Variants in LAPTM4B observed in about 807,000 individuals in gnomAD.
LAPTM4B encodes the protein lysosomal-associated transmembrane protein 4B.
Under a neutral mutation model 28.5 loss-of-function variants are expected in LAPTM4B, and 26 were observed. That is an observed-to-expected ratio of 0.91 (90% confidence interval 0.67 to 1.27). The LOEUF is 1.27. Among genes scored for constraint, LAPTM4B ranks in the 50% most tolerant of loss-of-function variants. LAPTM4B has a pLI of 0.00. For synonymous variants in LAPTM4B, 109 were observed against 106.4 expected (o/e 1.02, Z -0.15); for missense variants, 288 against 285.8 (o/e 1.01, Z -0.06).
rs79508802 is a variant in LAPTM4B, at chr8:97,815,323, G to A, written c.212-5G>A. 14 of 1,590,710 alleles carry A rather than the reference G, an allele frequency of 8.8e-6. No individual in the cohort carries two copies. Among genetic ancestry groups the A allele is most frequent in the East Asian group, 2.2e-5 (1 of 44,838 alleles). On this transcript the variant is annotated splice_region_variant and splice_polypyrimidine_tract_variant and intron_variant, in intron 2 of 6. Coordinates refer to ENST00000521545, the MANE Select transcript of LAPTM4B (RefSeq NM_018407.6). ...TTAAAGAAATTCTTTTTAATCTTTCGGCAGACATGTGCATTGCCATTGCGA... is the reference window on the plus strand; with the variant it reads ...TTAAAGAAATTCTTTTTAATCTTTCAGCAGACATGTGCATTGCCATTGCGA...
At chr8:97,790,627 G>A (rs1019128322) in intron 1 of LAPTM4B, among the ~76,000 whole-genome samples, 2 of 151,982 alleles carry the variant, frequency 1.3e-5, no homozygotes, top group African/African-American at 4.8e-5. Context: ...TGTATTTTTA[G>A]TGGAAATGGG....
At chr8:97,831,333 T>G (rs1563618738) in intron 6 of LAPTM4B, among the ~76,000 whole-genome samples, 1 of 152,174 alleles carries the variant, frequency 6.6e-6, no homozygotes, top group Non-Finnish European at 1.5e-5. Flanking sequence ...GGTAAAGGTA[T>G]CAACCCAGAC....
intron 5 of LAPTM4B, among the ~76,000 whole-genome samples, chr8:97,824,116 AT>A (rs1476693328): frequency 1.3e-5 from 2 of 152,102 alleles, no homozygotes; most frequent in Admixed American, 1.3e-4. Context: ...GCTATTATGA[AT>A]AATGCTGCTG....
chr8:97,849,788 C>T (rs1323788620), intron 6 of LAPTM4B, among the ~76,000 whole-genome samples: 1 of 151,974 alleles, frequency 6.6e-6, no homozygotes, highest in Non-Finnish European at 1.5e-5. Flanking sequence ...GGAGGAAAGC[C>T]GCCACCCCCC....
intron 5 of LAPTM4B, among the ~76,000 whole-genome samples, chr8:97,824,124 G>T (rs781293760): frequency 3.3e-5 from 5 of 152,068 alleles, no homozygotes; most frequent in Non-Finnish European, 7.3e-5. Context: ...GAATAATGCT[G>T]CTGTGAACAT....
At chr8:97,832,562 A>G (rs1586341772) in intron 6 of LAPTM4B, among the ~76,000 whole-genome samples, 2 of 152,290 alleles carry the variant, frequency 1.3e-5, no homozygotes, top group East Asian at 3.9e-4. Flanking sequence ...TTCCTGGAAA[A>G]GGTAGATTTA....
chr8:97,784,907 T>C (rs1207829961), intron 1 of LAPTM4B, among the ~76,000 whole-genome samples: 1 of 152,180 alleles, frequency 6.6e-6, no homozygotes, highest in Non-Finnish European at 1.5e-5. Context: ...GTGATACAAG[T>C]CTCTCTTTCT....
chr8:97,805,076 C>T (rs1016826851), intron 1 of LAPTM4B, among the ~76,000 whole-genome samples: 2 of 152,206 alleles, frequency 1.3e-5, no homozygotes, highest in East Asian at 1.9e-4. Context: ...GTTCACTGCT[C>T]TATGGTGCCT....
intron 6 of LAPTM4B, among the ~76,000 whole-genome samples, chr8:97,833,000 C>T (rs956382538): frequency 3.3e-5 from 5 of 151,226 alleles, no homozygotes; most frequent in Non-Finnish European, 1.5e-5. Flanking sequence ...GCCACCGCTC[C>T]TGACCTTCTC....
rs533262218 is a variant in LAPTM4B, at chr8:97,792,994, A to G, written c.100-12359A>G. ...TGTTAATAGTGTCACCTCAGAAATC[A>G]TACAAAGGATACAACAGATTTGAAA... On this transcript the variant is annotated intron_variant, in intron 1 of 6. Coordinates refer to ENST00000521545, the MANE Select transcript of LAPTM4B (RefSeq NM_018407.6). Among the ~76,000 whole-genome samples, 3 of 152,252 alleles carry G rather than the reference A, an allele frequency of 2.0e-5. No individual in the cohort carries two copies. The South Asian group carries it at 6.2e-4, about 32-fold the overall frequency.
intron 4 of LAPTM4B, among the ~76,000 whole-genome samples, chr8:97,817,350 C>CTTG (rs906037149): frequency 3.4e-4 from 51 of 151,516 alleles, no homozygotes; most frequent in African/African-American, 1.2e-3. Flanking sequence ...GTTGCCCAGG[C>CTTG]TTGTCTCAAA....
At chr8:97,804,968 TG>T (rs1468627155) in intron 1 of LAPTM4B, among the ~76,000 whole-genome samples, 1 of 152,250 alleles carries the variant, frequency 6.6e-6, no homozygotes, top group Non-Finnish European at 1.5e-5. Context: ...CAACTTGGGT[TG>T]CTTACCTTTA....
intron 6 of LAPTM4B, among the ~76,000 whole-genome samples, chr8:97,834,514 A>G (rs995130392): frequency 1.3e-5 from 2 of 151,792 alleles, no homozygotes; most frequent in African/African-American, 2.4e-5. Flanking sequence ...AGTCTCTTCA[A>G]GTTGGTTTCT....
At chr8:97,824,132 C>A (rs1249336532) in intron 5 of LAPTM4B, among the ~76,000 whole-genome samples, 1 of 152,038 alleles carries the variant, frequency 6.6e-6, no homozygotes, top group Non-Finnish European at 1.5e-5. Context: ...CTGCTGTGAA[C>A]ATTCAAGTTT....
intron 6 of LAPTM4B, among the ~76,000 whole-genome samples, chr8:97,846,527 A>G (rs1310578799): frequency 6.6e-6 from 1 of 152,070 alleles, no homozygotes; most frequent in Non-Finnish European, 1.5e-5. Flanking sequence ...GGGTTTCTCC[A>G]TGTTAGTCAG....
chr8:97,818,858 C>T (rs1264747074), intron 4 of LAPTM4B, among the ~76,000 whole-genome samples: 1 of 130,124 alleles, frequency 7.7e-6, no homozygotes, highest in African/African-American at 3.0e-5. Context: ...AGAGAAACTC[C>T]ATCTCAAAAA....
chr8:97,820,874 G>T (rs550158222), intron 5 of LAPTM4B, among the ~76,000 whole-genome samples: 33 of 151,980 alleles, frequency 2.2e-4, no homozygotes, highest in Admixed American at 2.0e-3. Context: ...GACTACAGGC[G>T]CCTGTTACCA....
At chr8:97,840,478 C>T (rs1319589347) in intron 6 of LAPTM4B, among the ~76,000 whole-genome samples, 1 of 152,084 alleles carries the variant, frequency 6.6e-6, no homozygotes, top group East Asian at 1.9e-4. Flanking sequence ...CAATTCCTTG[C>T]TCTAGGTGAG....
intron 5 of LAPTM4B, among the ~76,000 whole-genome samples, chr8:97,824,455 A>T (rs571616068): frequency 6.6e-6 from 1 of 152,228 alleles, no homozygotes; most frequent in Non-Finnish European, 1.5e-5. Flanking sequence ...TAGCTTAAAC[A>T]TCTCCCGTGA....
Sources: allele counts gnomAD v4.1 joint callset (sites outside exome capture counted in the v4.1 genomes callset), GRCh38; gene constraint gnomAD v4.1.1; transcripts MANE v1.5; gene names NCBI Gene and HGNC (gene_info 2026-07-23, HGNC 2026-07-21).